The following LIFR variants were observed in gnomAD, a reference collection of about 807,000 sequenced individuals.
LIFR encodes the protein LIF receptor subunit alpha, also known as leukemia inhibitory factor receptor.
In LIFR, 84 loss-of-function variants were observed where a neutral mutation model predicts 122.2. The ratio of observed to expected loss-of-function variants is 0.69; its 90% CI spans 0.58 to 0.82. The LOEUF (loss-of-function observed/expected upper bound fraction) is 0.82, where lower values mean the gene tolerates loss of function less well. LIFR is among the 40% of genes least tolerant of loss of function. LIFR has a pLI of 0.00. For missense variants in LIFR, 1,294 were observed against 1,311.6 expected (o/e 0.99, Z 0.21); for synonymous variants, 422 against 434.7 (o/e 0.97, Z 0.36).
At chr5:38,598,136 G>A (rs113314685), upstream of LIFR, among the ~76,000 whole-genome samples, 524 of 150,654 alleles carry the variant, frequency 3.5e-3, 11 homozygotes, top group East Asian at 0.04. Context: ...ATCTATGGCA[G>A]TGACTCCATG....
chr5:38,547,571 G>C (rs1165246086), intron 1 of LIFR, among the ~76,000 whole-genome samples: 1 of 151,840 alleles, frequency 6.6e-6, no homozygotes, highest in Non-Finnish European at 1.5e-5. Context: ...CGACTACTGA[G>C]GGTCTACATG....
intron 1 of LIFR, among the ~76,000 whole-genome samples, chr5:38,548,323 G>GTA (rs1748009445): frequency 1.3e-5 from 2 of 152,154 alleles, no homozygotes; most frequent in African/African-American, 2.4e-5. Context: ...AAATAACCTA[G>GTA]TATGTTCCTC....
chr5:38,584,530 G>A (rs756298199), intron 1 of LIFR, among the ~76,000 whole-genome samples: 3 of 151,824 alleles, frequency 2.0e-5, no homozygotes, highest in Non-Finnish European at 4.4e-5. Context: ...ATATTATTTA[G>A]CCTTAAAAAA....
chr5:38,511,918 C>T lies in LIFR; in HGVS notation c.608G>A (p.Trp203Ter). 6.2e-7 allele frequency: 1 copy of T among 1,614,080 alleles called. No individual in the cohort carries two copies. Among genetic ancestry groups the T allele is most frequent in the Non-Finnish European group, 8.5e-7 (1 of 1,179,988 alleles). ...CAAGGGCATATCTGAGGCCCAACTC[C>T]AGTGATGAAGTGTATCTTTGCCATT... The part of the protein sequence containing the change: ...TLNGKDTLHH[W>*]SWASDMPLEC... The change falls in exon 6 of 20, where the codon TGG (tryptophan) becomes TAG (stop). Residue 203 changes from tryptophan to a stop codon, truncating the protein, a stop_gained. Coordinates refer to ENST00000453190, the MANE Select transcript of LIFR (RefSeq NM_001127671.2). LOFTEE classifies it high-confidence loss of function.
intron 1 of LIFR, among the ~76,000 whole-genome samples, chr5:38,592,746 T>C (rs1651096679): frequency 6.6e-6 from 1 of 152,102 alleles, no homozygotes; most frequent in South Asian, 2.1e-4. Context: ...TTTAATTAAA[T>C]TAAACTAATA....
chr5:38,484,387 G>A (rs1744162903), intron 18 of LIFR, among the ~76,000 whole-genome samples: 1 of 152,192 alleles, frequency 6.6e-6, no homozygotes. Context: ...ATTCATATTT[G>A]TTGAATAAAT....
Position 38,481,542 on chromosome 5 carries a change from A to G in LIFR, c.*53T>C, listed in dbSNP as rs1743982195. On this transcript the variant is annotated 3_prime_UTR_variant, in exon 20 of 20. Coordinates refer to ENST00000453190, the MANE Select transcript of LIFR (RefSeq NM_001127671.2). ...GAATGCCCAGTGCTGATGTAGCAAC[A>G]CTAGCAGTAAGAGCTTATTGAGATG... 11 of 1,589,870 alleles carry G rather than the reference A, an allele frequency of 6.9e-6. No homozygotes were observed. The highest frequency in any genetic ancestry group is 9.5e-6 in the Non-Finnish European group (11 of 1,158,222).
At chr5:38,551,354 C>T (rs1748190696) in intron 1 of LIFR, among the ~76,000 whole-genome samples, 2 of 152,192 alleles carry the variant, frequency 1.3e-5, no homozygotes, top group Admixed American at 6.5e-5. Flanking sequence ...TGGCGATTCT[C>T]ATCTCTCTCC....
At position 38,501,239 on chromosome 5, in the gene LIFR, C is replaced by T. The variant is rs113247005; in HGVS notation, c.1600+1398G>A. Among the ~76,000 whole-genome samples, 426 of 152,340 alleles carry T rather than the reference C, an allele frequency of 2.8e-3. 2 individuals are homozygous for T. Among genetic ancestry groups the T allele is most frequent in the African/African-American group, 9.6e-3 (399 of 41,572 alleles). On this transcript the variant is annotated intron_variant, in intron 11 of 19. Transcript: ENST00000453190. ...ATAACTCATATCCTCCCTCTCTGTA[C>T]TCATGCATAGCTTTCACTTTTGATG...
At chr5:38,595,078 A>T (rs960494531) in intron 1 of LIFR, 2 of 177,602 alleles carry the variant, frequency 1.1e-5, no homozygotes, top group Non-Finnish European at 2.4e-5. Context: ...GGGTAAGTAC[A>T]GGTCACAGGA....
chr5:38,510,836 T>A, intron 6 of LIFR, 118 bp from the exon 7 acceptor site: 3 of 767,672 alleles, frequency 3.9e-6, no homozygotes, highest in Non-Finnish European at 6.3e-6. Flanking sequence ...GTATATACAC[T>A]ACAAACTGTT....
intron 1 of LIFR, among the ~76,000 whole-genome samples, chr5:38,594,668 C>T (rs1307609882): frequency 1.3e-5 from 2 of 152,170 alleles, no homozygotes; most frequent in African/African-American, 4.8e-5. Flanking sequence ...AGCTATTTAA[C>T]TATTTCTCAT....
chr5:38,486,870 G>A (rs370014009), intron 16 of LIFR, among the ~76,000 whole-genome samples: 1 of 152,150 alleles, frequency 6.6e-6, no homozygotes, highest in Non-Finnish European at 1.5e-5. Context: ...TTCAGTGTTT[G>A]GATTACTATG....
intron 2 of LIFR, among the ~76,000 whole-genome samples, chr5:38,529,262 T>C (rs1399283203): frequency 6.6e-6 from 1 of 151,824 alleles, no homozygotes; most frequent in African/African-American, 2.4e-5. Context: ...TAGCCCCACT[T>C]AAGGAAAAAA....
At position 38,481,304 on chromosome 5, in the gene LIFR, G is replaced by T; in HGVS notation, c.*291C>A. On this transcript the variant is annotated 3_prime_UTR_variant, in exon 20 of 20. Transcript: ENST00000453190. ...TTTGTTTTACATGTACGTACAAGTA[G>T]GTATTAGCCTTGAAATGCTTCTTGA... 1 of 475,716 alleles carries T rather than the reference G, an allele frequency of 2.1e-6. No homozygotes were observed. The highest frequency in any genetic ancestry group is 3.6e-5 in the East Asian group (1 of 27,852). The allele number at this position is 475,716 out of a possible 1,614,324, so 29.5% of individuals were successfully genotyped here.
At chr5:38,484,899 C>A (rs372262497) in intron 17 of LIFR, 31 bp from the exon 18 acceptor site, 1 of 1,481,784 alleles carries the variant, frequency 6.7e-7, no homozygotes, top group Non-Finnish European at 9.4e-7. Flanking sequence ...ATATTAAAAT[C>A]GCCATTTTTA....
chr5:38,551,618 C>T (rs1259930714), intron 1 of LIFR, among the ~76,000 whole-genome samples: 3 of 152,142 alleles, frequency 2.0e-5, no homozygotes, highest in African/African-American at 4.8e-5. Flanking sequence ...GTGATATCAC[C>T]GCCTTGTGGC....
At chr5:38,549,739 T>C (rs1748098501) in intron 1 of LIFR, among the ~76,000 whole-genome samples, 1 of 152,184 alleles carries the variant, frequency 6.6e-6, no homozygotes, top group African/African-American at 2.4e-5. Flanking sequence ...TGCAGTGAGC[T>C]GAGACTGCGC....
At chr5:38,560,067 C>A (rs918623599), upstream of LIFR, among the ~76,000 whole-genome samples, 1 of 152,028 alleles carries the variant, frequency 6.6e-6, no homozygotes, top group African/African-American at 2.4e-5. Flanking sequence ...AAATCACCTA[C>A]ATCTTGACCC....
Sources: gnomAD v4.1 joint callset for allele counts (sites outside exome capture counted in the v4.1 genomes callset) on GRCh38, gnomAD v4.1.1 for gene constraint, MANE v1.5 for transcripts, NCBI Gene and HGNC (gene_info 2026-07-23, HGNC 2026-07-21) for gene names.